Variants in RELL1 observed in about 807,000 individuals in gnomAD.
RELL1 encodes RELT like 1, also known as RELT-like protein 1.
A neutral mutation model predicts 23.0 loss-of-function variants in RELL1; 10 were observed. The ratio of observed to expected loss-of-function variants is 0.43; its 90% CI spans 0.27 to 0.74. The LOEUF (loss-of-function observed/expected upper bound fraction) is 0.74, where lower values mean the gene tolerates loss of function less well. Ranked by LOEUF, RELL1 falls within the 30% of genes least tolerant of loss-of-function variation. The pLI, the probability that RELL1 is intolerant of heterozygous loss-of-function variation, is 0.19. For synonymous variants in RELL1, 146 were observed against 146.8 expected, an observed-to-expected ratio of 0.99 and a Z score of 0.04; for missense variants, 315 against 364.4, an observed-to-expected ratio of 0.86 and a Z score of 1.10.
chr4:37,609,446 C>T (rs987472343), downstream of RELL1, among the ~76,000 whole-genome samples: 1 of 152,198 alleles, frequency 6.6e-6, no homozygotes, highest in Admixed American at 6.5e-5. Context: ...TTCATGCCTG[C>T]TAACACAACA....
chr4:37,637,583 C>T (rs1477772697), intron 4 of RELL1, among the ~76,000 whole-genome samples: 4 of 152,182 alleles, frequency 2.6e-5, no homozygotes, highest in Admixed American at 6.5e-5. Context: ...CGGGGTCCCC[C>T]AGAGCCTTCA....
chr4:37,622,799 CTTTTT>C (rs763432060), intron 6 of RELL1: 21 of 391,042 alleles, frequency 5.4e-5, no homozygotes, highest in Admixed American at 2.0e-4. Flanking sequence ...TCAAGTAATG[CTTTTT>C]TTTTTTTTTT....
chr4:37,609,352 T>C (rs1719308554), downstream of RELL1, among the ~76,000 whole-genome samples: 1 of 152,150 alleles, frequency 6.6e-6, no homozygotes, highest in African/African-American at 2.4e-5. Context: ...GAAAAAAAGA[T>C]TCCATTCAAA....
In RELL1 at chr4:37,599,826, A is replaced by G. The variant is rs533989609; in HGVS notation, c.*4-8609T>C. On this transcript the variant is annotated intron_variant, in intron 6 of 6. Transcript: ENST00000314117. The stretch of plus-strand genomic sequence containing the variant: ...AGGGGCCATATGTCCCCACCCATGA[A>G]CCACCCCTACATAGCTTAAGATTCC... Among the ~76,000 whole-genome samples, 66 of 152,250 alleles carry G rather than the reference A, an allele frequency of 4.3e-4. 2 individuals are homozygous for G. Among genetic ancestry groups the G allele is most frequent in the Admixed American group, 3.9e-3 (60 of 15,294 alleles).
At position 37,592,247 on chromosome 4, in the gene RELL1, T is replaced by C. The variant is rs923094278; in HGVS notation, c.*4-1030A>G. Among the ~76,000 whole-genome samples the C allele has an allele frequency of 3.5e-5, 5 of 144,722 alleles. No individual in the cohort carries two copies. In the Admixed American group the frequency reaches 3.5e-4, roughly 10 times the overall value. 94.9% of individuals were successfully genotyped at this position (144,722 alleles called of 152,430 possible). A position where few individuals can be genotyped will look rare whatever the true frequency, so the allele number is the denominator to read the frequency against. ...AAAAAAAGAGCTAAGCTAGGCACAGTGGCTCATGTCTGTAATCTGAGCACT... is the reference window on the plus strand; with the variant it reads ...AAAAAAAGAGCTAAGCTAGGCACAGCGGCTCATGTCTGTAATCTGAGCACT... On this transcript the variant is annotated intron_variant, in intron 6 of 6. Transcript: ENST00000314117.
chr4:37,660,050 G>A (rs1053489430), intron 1 of RELL1, among the ~76,000 whole-genome samples: 23 of 152,108 alleles, frequency 1.5e-4, no homozygotes, highest in Non-Finnish European at 2.5e-4. Context: ...CTGGAAAATA[G>A]TTTTTAAGCA....
chr4:37,664,016 T>C (rs969651504), intron 1 of RELL1, among the ~76,000 whole-genome samples: 1 of 152,170 alleles, frequency 6.6e-6, no homozygotes, highest in South Asian at 2.1e-4. Context: ...TGAATGAAAT[T>C]TGTAGTGGCT....
At chr4:37,673,625 C>G (rs1025538097) in intron 1 of RELL1, among the ~76,000 whole-genome samples, 1 of 152,154 alleles carries the variant, frequency 6.6e-6, no homozygotes, top group African/African-American at 2.4e-5. Context: ...ATTTGTGTTA[C>G]TTACAAAGGA....
At chr4:37,668,470 G>C (rs1022771325) in intron 1 of RELL1, among the ~76,000 whole-genome samples, 1 of 152,000 alleles carries the variant, frequency 6.6e-6, no homozygotes, top group African/African-American at 2.4e-5. Context: ...CGCCAGCCTC[G>C]GCCTCCCGAG....
intron 1 of RELL1, among the ~76,000 whole-genome samples, chr4:37,650,062 T>C (rs749977896): frequency 4.6e-5 from 7 of 152,170 alleles, no homozygotes; most frequent in Non-Finnish European, 1.0e-4. Flanking sequence ...CTCACCCTTC[T>C]AGGATTGTTA....
chr4:37,619,341 C>T (rs1258403807), intron 6 of RELL1, among the ~76,000 whole-genome samples: 1 of 152,022 alleles, frequency 6.6e-6, no homozygotes, highest in Non-Finnish European at 1.5e-5. Context: ...CGGCATCACA[C>T]CTGGCTAATT....
Position 37,631,534 on chromosome 4 carries a change from A to G in RELL1, c.681-11T>C, listed in dbSNP as rs761432383. On this transcript the variant is annotated splice_polypyrimidine_tract_variant and intron_variant, in intron 5 of 6. Coordinates refer to ENST00000454158, the MANE Select transcript of RELL1 (RefSeq NM_001085400.2). ...TTTGTAACTCTAAATCTGAGGGGGG[A>G]ATGGGGAGAGGTGATGGGGTTTGCT... 2 of 1,613,300 alleles carry G rather than the reference A, an allele frequency of 1.2e-6. No individual in the cohort carries two copies. Among genetic ancestry groups the G allele is most frequent in the African/African-American group, 1.3e-5 (1 of 74,948 alleles).
intron 5 of RELL1, among the ~76,000 whole-genome samples, chr4:37,633,718 G>A (rs552928546): frequency 7.9e-5 from 12 of 152,310 alleles, no homozygotes; most frequent in African/African-American, 2.4e-4. Flanking sequence ...TCTTGAGTGC[G>A]TAAGTACCCA....
chr4:37,588,636 C>T, downstream of RELL1: 1 of 520,146 alleles, frequency 1.9e-6, no homozygotes, highest in Non-Finnish European at 3.4e-6. Flanking sequence ...AGGCAAGTGT[C>T]AGTGAACGTT....
At chr4:37,645,556 C>T (rs899532721) in intron 3 of RELL1, among the ~76,000 whole-genome samples, 6 of 152,118 alleles carry the variant, frequency 3.9e-5, no homozygotes, top group African/African-American at 1.4e-4. Flanking sequence ...GGTTGTCTGA[C>T]TTTATAGACT....
chr4:37,643,264 CCAAA>C (rs141581859), intron 3 of RELL1, among the ~76,000 whole-genome samples: 3,794 of 152,256 alleles, frequency 0.025, 185 homozygotes, highest in East Asian at 0.13. Flanking sequence ...ATGGAGACAA[CCAAA>C]CAAACAAAGT....
intron 6 of RELL1, among the ~76,000 whole-genome samples, chr4:37,621,150 C>A (rs1719747236): frequency 6.6e-6 from 1 of 152,106 alleles, no homozygotes; most frequent in African/African-American, 2.4e-5. Flanking sequence ...AACTCAAGGT[C>A]TCAAGGCACA....
chr4:37,606,378 G>C (rs978002073), downstream of RELL1, among the ~76,000 whole-genome samples: 16 of 152,178 alleles, frequency 1.1e-4, no homozygotes, highest in Admixed American at 5.9e-4. This position sits in a 1 kb window ranked among gnomAD's most constrained non-coding sequence, Gnocchi z 4.1. Flanking sequence ...CCAATGGTTG[G>C]TGTGGTGGGT....
Position 37,649,412 on chromosome 4 carries a change from A to C in RELL1, c.177T>G (p.Ile59Met). Reference sequence around the variant, plus strand: ...AGAACACAGGGACAAGCGCGTATGCAATATATTCTGGGTGTCCATTCCCAG... The same window carrying C: ...AGAACACAGGGACAAGCGCGTATGCCATATATTCTGGGTGTCCATTCCCAG... The part of the protein sequence containing the change: ...NDTGNGHPEY[I>M]AYALVPVFFI... Residue 59 changes from isoleucine to methionine, a missense_variant, in exon 2 of 7, where the codon ATT becomes ATG. Coordinates refer to ENST00000454158, the MANE Select transcript of RELL1 (RefSeq NM_001085400.2). 2 of 1,614,234 alleles carry C rather than the reference A, an allele frequency of 1.2e-6. No individual in the cohort carries two copies. Among genetic ancestry groups the C allele is most frequent in the Non-Finnish European group, 1.7e-6 (2 of 1,180,034 alleles).
Sources: allele counts gnomAD v4.1 joint callset (sites outside exome capture counted in the v4.1 genomes callset), GRCh38; gene constraint gnomAD v4.1.1; non-coding constraint Gnocchi (gnomAD v3.1); transcripts MANE v1.5; gene names NCBI Gene and HGNC (gene_info 2026-07-23, HGNC 2026-07-21).